Variants in CAMTA1 observed in about 807,000 individuals in gnomAD.
The protein encoded by CAMTA1 is calmodulin-binding transcription activator 1.
Under a neutral mutation model 170.9 loss-of-function variants are expected in CAMTA1, and 27 were observed. That is an observed-to-expected ratio of 0.16 (90% CI 0.12 to 0.22). The LOEUF is 0.22. CAMTA1 is among the 10% of genes least tolerant of loss of function. CAMTA1 has a pLI of 1.00. For synonymous variants in CAMTA1, 833 were observed against 891.5 expected, an observed-to-expected ratio of 0.93 and a Z score of 1.17; for missense variants, 1,619 against 2,217.2, an observed-to-expected ratio of 0.73 and a Z score of 5.42.
At chr1:7,493,655 G>C (rs867564504) in intron 6 of CAMTA1, among the ~76,000 whole-genome samples, 3,803 of 145,242 alleles carry the variant, frequency 0.026, 73 homozygotes, top group South Asian at 0.065. Context: ...GGGGGGGGGG[G>C]GGGTCAGCGG....
Position 7,455,010 on chromosome 1 carries a change from T to G in CAMTA1, c.439-12820T>G, listed in dbSNP as rs1171963879. ...GACTGAGTGATTCAGCTGGGGTTCA[T>G]CCCCCTGCTCCGTGCCAGAGCCTCG... On this transcript the variant is annotated intron_variant, in intron 5 of 22. Coordinates refer to ENST00000303635, the MANE Select transcript of CAMTA1 (RefSeq NM_015215.4). The surrounding 1 kb of genome is among the most constrained non-coding windows in gnomAD (Gnocchi z 5.0). Among the ~76,000 whole-genome samples, 2 of 152,140 alleles carry G rather than the reference T, an allele frequency of 1.3e-5. No individual in the cohort carries two copies. The highest frequency in any genetic ancestry group is 2.9e-5 in the Non-Finnish European group (2 of 68,022).
intron 5 of CAMTA1, among the ~76,000 whole-genome samples, chr1:7,309,071 C>A (rs1399177580): frequency 6.6e-6 from 1 of 152,064 alleles, no homozygotes; most frequent in African/African-American, 2.4e-5. Flanking sequence ...TGGTAATTTT[C>A]TTTGCTCTGT....
chr1:7,605,406 G>A (rs888816850), intron 6 of CAMTA1, among the ~76,000 whole-genome samples: 15 of 152,200 alleles, frequency 9.9e-5, no homozygotes, highest in Admixed American at 4.6e-4. Flanking sequence ...CCCAAGCCTC[G>A]CTGCTGCCTT....
intron 5 of CAMTA1, among the ~76,000 whole-genome samples, chr1:7,252,150 G>T (rs545081130): frequency 2.0e-5 from 3 of 152,288 alleles, no homozygotes; most frequent in African/African-American, 7.2e-5. Context: ...ACCCAGAATT[G>T]CTGGGTTATA....
chr1:7,664,619 C>T lies in CAMTA1; in HGVS notation c.2072C>T (p.Thr691Ile), dbSNP rs1019391437. ...GCCATGACGGCAGAAGGGGAGGTCA[C>T]CATGGAGACCTCGCAGGCGGCGGAA... The part of the protein sequence containing the change: ...FQAMTAEGEV[T>I]METSQAAEGS... Residue 691 changes from threonine to isoleucine, a missense_variant, in exon 9 of 23, where the codon ACC becomes ATC. Transcript: ENST00000303635. 1.9e-6 allele frequency: 3 copies of T among 1,609,056 alleles called. No individual in the cohort carries two copies. Among genetic ancestry groups the T allele is most frequent in the East Asian group, 4.5e-5 (2 of 44,714 alleles).
At chr1:7,589,109 T>C (rs2095334887) in intron 6 of CAMTA1, among the ~76,000 whole-genome samples, 1 of 152,200 alleles carries the variant, frequency 6.6e-6, no homozygotes, top group African/African-American at 2.4e-5. Flanking sequence ...TGCCATCACA[T>C]TTCCCCCTTC....
chr1:7,340,945 T>TG (rs1389277870), intron 5 of CAMTA1, among the ~76,000 whole-genome samples: 1 of 152,126 alleles, frequency 6.6e-6, no homozygotes, highest in African/African-American at 2.4e-5. Flanking sequence ...GATAAAAATA[T>TG]GGTATTCATA....
chr1:6,809,346 C>T (rs947756868), intron 1 of CAMTA1, among the ~76,000 whole-genome samples: 6 of 152,042 alleles, frequency 3.9e-5, no homozygotes, highest in East Asian at 3.9e-4. Context: ...GTTTTTAAGG[C>T]GTCATTGGGT....
rs116241477 is a variant in CAMTA1, at chr1:7,144,533, G to A, written c.302+53162G>A. Among the ~76,000 whole-genome samples, 148 of 152,244 alleles carry A rather than the reference G, an allele frequency of 9.7e-4. No individual in the cohort carries two copies. The highest frequency in any genetic ancestry group is 1.3e-3 in the Non-Finnish European group (88 of 68,024). On this transcript the variant is annotated intron_variant, in intron 4 of 22. Coordinates refer to ENST00000303635, the MANE Select transcript of CAMTA1 (RefSeq NM_015215.4). The surrounding 1 kb of genome is among the most constrained non-coding windows in gnomAD (Gnocchi z 4.0). ...GACCGATATATATAACACTAGGCAG[G>A]ATTAGAAGATTTGCCTTGTCGGTGT... is the stretch of plus-strand genomic sequence containing the variant.
chr1:6,983,012 G>A (rs967030651), intron 3 of CAMTA1, among the ~76,000 whole-genome samples: 1 of 152,186 alleles, frequency 6.6e-6, no homozygotes, highest in African/African-American at 2.4e-5. Context: ...GGGAGCCTCT[G>A]AGGCTGACCC....
rs570983806 is a variant in CAMTA1, at chr1:7,463,733, C to G, written c.439-4097C>G. 6.6e-6 allele frequency among the ~76,000 whole-genome samples: 1 copy of G among 152,078 alleles called. No individual in the cohort carries two copies. The highest frequency in any genetic ancestry group is 1.5e-5 in the Non-Finnish European group (1 of 68,010). On this transcript the variant is annotated intron_variant, in intron 5 of 22. Transcript: ENST00000303635. This position sits in a 1 kb window ranked among gnomAD's most constrained non-coding sequence, Gnocchi z 4.7. ...TCAGATGAGGCCGTAGAGAGCTGGC[C>G]GGGAAGGGAGGTGCCCACAACATAC... is the stretch of plus-strand genomic sequence containing the variant.
At chr1:7,352,584 A>G (rs1320496105) in intron 5 of CAMTA1, among the ~76,000 whole-genome samples, 2 of 152,092 alleles carry the variant, frequency 1.3e-5, no homozygotes, top group Non-Finnish European at 2.9e-5. Context: ...CCATCCACCC[A>G]TGGGCCCCTT....
chr1:7,230,779 C>G (rs1437041554), intron 4 of CAMTA1, among the ~76,000 whole-genome samples: 3 of 152,184 alleles, frequency 2.0e-5, no homozygotes, highest in African/African-American at 7.2e-5. Flanking sequence ...GCCCCAGCCC[C>G]CGGGAGCCAC....
At chr1:6,880,492 C>A (rs1671261371) in intron 3 of CAMTA1, among the ~76,000 whole-genome samples, 1 of 147,720 alleles carries the variant, frequency 6.8e-6, no homozygotes, top group African/African-American at 2.5e-5. Context: ...AGGGCTCAAG[C>A]AGTCCTCCCA....
chr1:7,415,414 C>T (rs1331672016), intron 5 of CAMTA1, among the ~76,000 whole-genome samples: 4 of 151,806 alleles, frequency 2.6e-5, no homozygotes, highest in African/African-American at 9.7e-5. Flanking sequence ...GTAGGTCACT[C>T]AGGACTTGCT....
At chr1:7,599,679 G>A (rs1264337277) in intron 6 of CAMTA1, among the ~76,000 whole-genome samples, 1 of 152,044 alleles carries the variant, frequency 6.6e-6, no homozygotes, top group East Asian at 1.9e-4. Flanking sequence ...TGGATTCCTA[G>A]GTATTTTATT....
chr1:7,172,785 C>T (rs905842366), intron 4 of CAMTA1, among the ~76,000 whole-genome samples: 1 of 152,178 alleles, frequency 6.6e-6, no homozygotes, highest in Non-Finnish European at 1.5e-5. Context: ...GGACCATGCC[C>T]GTGATGGCTG....
rs1671811387 is a variant in CAMTA1, at chr1:7,283,514, A to G, written c.438+33888A>G. Among the ~76,000 whole-genome samples the G allele has an allele frequency of 1.3e-5, 2 of 152,176 alleles. 1 individual carries two copies. Among genetic ancestry groups the G allele is most frequent in the South Asian group, 4.2e-4 (2 of 4,810 alleles). On this transcript the variant is annotated intron_variant, in intron 5 of 22. Coordinates refer to ENST00000303635, the MANE Select transcript of CAMTA1 (RefSeq NM_015215.4). ...CTCCAGATAGGAGAGTCAACCACCCATCCCATGGTGGATGTCAAATGTTCA... is the reference window on the plus strand; with the variant it reads ...CTCCAGATAGGAGAGTCAACCACCCGTCCCATGGTGGATGTCAAATGTTCA...
intron 3 of CAMTA1, among the ~76,000 whole-genome samples, chr1:6,966,818 C>T (rs189076662): frequency 1.4e-4 from 21 of 151,688 alleles, no homozygotes; most frequent in Non-Finnish European, 2.9e-4. Context: ...CACCGTGTTG[C>T]CCAGGCTGGT....
Sources: gnomAD v4.1 joint callset for allele counts (sites outside exome capture counted in the v4.1 genomes callset) on GRCh38, gnomAD v4.1.1 for gene constraint, Gnocchi (gnomAD v3.1) non-coding constraint, MANE v1.5 for transcripts, NCBI Gene and HGNC (gene_info 2026-07-23, HGNC 2026-07-21) for gene names.